The following GPC3 variants were observed in gnomAD, a reference collection of about 807,000 sequenced individuals.
The protein encoded by GPC3 is glypican-3.
GPC3 carries 3 observed loss-of-function variants against 34.4 expected under a neutral mutation model. The ratio of observed to expected loss-of-function variants is 0.09; its 90% CI spans 0.04 to 0.23. The LOEUF is 0.23. GPC3 is among the 10% of genes least tolerant of loss of function. The pLI is 1.00. For synonymous variants in GPC3, 177 were observed against 174.0 expected (o/e 1.02, Z -0.13); for missense variants, 351 against 445.6 (o/e 0.79, Z 1.91).
chrX:133,698,093 C>T (rs780706865), intron 4 of GPC3, among the ~76,000 whole-genome samples: 3 of 111,983 alleles, frequency 2.7e-5, no homozygotes, highest in Admixed American at 9.4e-5. Context: ...GGCATTTGAA[C>T]AATGGAAAAA....
chrX:133,687,394 T>G (rs1170374169), intron 5 of GPC3, among the ~76,000 whole-genome samples: 1 of 79,050 alleles, frequency 1.3e-5, no homozygotes, highest in Non-Finnish European at 2.5e-5. Context: ...TTTTTTTTTT[T>G]TTTTTTTTTT....
At chrX:133,913,906 G>C (rs1393902077) in intron 2 of GPC3, among the ~76,000 whole-genome samples, 1 of 106,972 alleles carries the variant, frequency 9.3e-6, no homozygotes, top group African/African-American at 3.4e-5. Context: ...ACCCAATCAA[G>C]CCTCCTCAAG....
intron 2 of GPC3, among the ~76,000 whole-genome samples, chrX:133,794,686 CTCACA>C (rs1453237423): frequency 8.9e-6 from 1 of 111,924 alleles, no homozygotes; most frequent in African/African-American, 3.2e-5. Flanking sequence ...TCACAACCGC[CTCACA>C]TGATCTCAAC....
At chrX:133,789,728 T>C (rs2072141335) in intron 2 of GPC3, among the ~76,000 whole-genome samples, 1 of 112,380 alleles carries the variant, frequency 8.9e-6, no homozygotes, top group African/African-American at 3.2e-5. Context: ...AAAAATGCTT[T>C]TAAAGTACTG....
At chrX:133,649,061 G>GCC (rs1457536818) in intron 6 of GPC3, among the ~76,000 whole-genome samples, 1 of 111,367 alleles carries the variant, frequency 9.0e-6, no homozygotes, top group Non-Finnish European at 1.9e-5. Flanking sequence ...TTTGTCTGCA[G>GCC]CCCCTATGCT....
intron 2 of GPC3, among the ~76,000 whole-genome samples, chrX:133,897,715 C>T (rs2076124607): frequency 9.0e-6 from 1 of 111,319 alleles, no homozygotes; most frequent in South Asian, 3.9e-4. Context: ...CCTCAAATCA[C>T]TTTAGCCTCA....
At chrX:133,546,413 T>TA (rs368392545) in intron 7 of GPC3, among the ~76,000 whole-genome samples, 229 of 107,092 alleles carry the variant, frequency 2.1e-3, no homozygotes, top group African/African-American at 5.4e-3. Context: ...AAAAAAAACT[T>TA]AAAAAAAAAC....
At chrX:133,945,877 T>C (rs1480585962) in intron 2 of GPC3, among the ~76,000 whole-genome samples, 1 of 112,503 alleles carries the variant, frequency 8.9e-6, no homozygotes, top group Admixed American at 9.4e-5. Flanking sequence ...TTTTGTATTT[T>C]TTATTTTGTC....
At chrX:133,797,212 C>T (rs748126817) in intron 2 of GPC3, among the ~76,000 whole-genome samples, 1 of 110,183 alleles carries the variant, frequency 9.1e-6, no homozygotes, top group Non-Finnish European at 1.9e-5. Context: ...TGGTCTCAGC[C>T]GCAATCAGAT....
At chrX:133,933,341 G>T (rs747666602) in intron 2 of GPC3, among the ~76,000 whole-genome samples, 20 of 110,536 alleles carry the variant, frequency 1.8e-4, no homozygotes, top group African/African-American at 6.3e-4. Context: ...GTGGGATGGG[G>T]ACTAGGGAGG....
intron 2 of GPC3, among the ~76,000 whole-genome samples, chrX:133,930,833 T>G (rs2076295399): frequency 8.9e-6 from 1 of 111,745 alleles, no homozygotes; most frequent in African/African-American, 3.3e-5. Context: ...AGACGGGGTT[T>G]CACTATGTTG....
chrX:133,542,517 T>G (rs2069350156), intron 7 of GPC3, among the ~76,000 whole-genome samples: 1 of 112,047 alleles, frequency 8.9e-6, no homozygotes, highest in African/African-American at 3.2e-5. Flanking sequence ...ACAGGAAGAC[T>G]TCACAGGGCA....
intron 6 of GPC3, among the ~76,000 whole-genome samples, chrX:133,624,912 C>T (rs2070282668): frequency 9.0e-6 from 1 of 111,260 alleles, no homozygotes; most frequent in Non-Finnish European, 1.9e-5. Context: ...TGCAAAAATC[C>T]TCACTAAAAT....
chrX:133,691,916 G>C, intron 5 of GPC3, among the ~76,000 whole-genome samples: 1 of 112,155 alleles, frequency 8.9e-6, no homozygotes, highest in Middle Eastern at 4.6e-3. Context: ...CTTCTAGGAG[G>C]GCTATAAATT....
At chrX:133,917,707 TA>T (rs1183951902) in intron 2 of GPC3, among the ~76,000 whole-genome samples, 5 of 112,100 alleles carry the variant, frequency 4.5e-5, no homozygotes, top group East Asian at 2.8e-4. Flanking sequence ...AAAGGGAAGA[TA>T]TTTTTTTAAA....
intron 7 of GPC3, among the ~76,000 whole-genome samples, chrX:133,569,235 A>C (rs1444288047): frequency 8.9e-6 from 1 of 112,093 alleles, no homozygotes; most frequent in East Asian, 2.8e-4. Flanking sequence ...GAATATGTGA[A>C]TCAAAAATGA....
Position 133,985,292 on chromosome X carries a change from G to A in GPC3, c.158C>T (p.Pro53Leu), listed in dbSNP as rs751866792. 3 of 1,209,791 alleles carry A rather than the reference G, an allele frequency of 2.5e-6. No homozygotes were observed. In the African/African-American group the frequency reaches 5.2e-5, roughly 21 times the overall value. Reference sequence around the variant, plus strand: ...CTCCTCACCTGGCACGGGAGTTTCTGGCACCCACTTGAGTCCGGGCTGCAG... The same window carrying A: ...CTCCTCACCTGGCACGGGAGTTTCTAGCACCCACTTGAGTCCGGGCTGCAG... ...QRLQPGLKWV[P>L]ETPVPGSDLQ... is the part of the protein sequence containing the mutation. The change falls in exon 1 of 8, where the codon CCA becomes CTA. Residue 53 changes from proline (P) to leucine (L), a missense_variant. Pro to Leu is a moderately conservative substitution (Grantham distance 98, BLOSUM62 -3). Coordinates refer to ENST00000370818, the MANE Select transcript of GPC3 (RefSeq NM_004484.4).
chrX:133,945,751 C>T (rs2124630800), intron 2 of GPC3, among the ~76,000 whole-genome samples: 1 of 102,171 alleles, frequency 9.8e-6, no homozygotes, highest in Admixed American at 1.1e-4. Flanking sequence ...GAGACTCCGT[C>T]TCAAAAAAAA....
At chrX:133,888,858 G>A (rs1328036532) in intron 2 of GPC3, among the ~76,000 whole-genome samples, 1 of 112,304 alleles carries the variant, frequency 8.9e-6, no homozygotes, top group Non-Finnish European at 1.9e-5. Context: ...ATGGCTGTAT[G>A]TCAACACACA....
Sources: allele counts gnomAD v4.1 joint callset (sites outside exome capture counted in the v4.1 genomes callset), GRCh38; gene constraint gnomAD v4.1.1; transcripts MANE v1.5; gene names NCBI Gene and HGNC (gene_info 2026-07-23, HGNC 2026-07-21).